TFDP2: variants seen among roughly 807,000 people sequenced by gnomAD.
TFDP2 encodes the protein transcription factor Dp-2 (E2F dimerization partner 2).
TFDP2 carries 17 observed loss-of-function variants against 59.3 expected under a neutral mutation model. The observed-to-expected ratio is 0.29, with a 90% CI of 0.20 to 0.43. The LOEUF (loss-of-function observed/expected upper bound fraction) is 0.43. Ranked by LOEUF, TFDP2 falls within the 20% of genes least tolerant of loss-of-function variation. TFDP2 has a pLI of 1.00. For missense variants in TFDP2, 391 were observed against 528.8 expected (o/e 0.74, Z 2.56); for synonymous variants, 180 against 194.7 (o/e 0.92, Z 0.63).
intron 3 of TFDP2, among the ~76,000 whole-genome samples, chr3:142,043,126 A>T (rs1414177871): frequency 6.6e-6 from 1 of 151,074 alleles, no homozygotes; most frequent in African/African-American, 2.4e-5. Flanking sequence ...GGCTCACTGC[A>T]AGCTCCGCCT....
chr3:142,148,667 C>T (rs115041480), intron 1 of TFDP2, among the ~76,000 whole-genome samples: 4,649 of 152,308 alleles, frequency 0.031, 252 homozygotes, highest in African/African-American at 0.1. Context: ...TGAAGACAGA[C>T]CTTGGCTTTC....
chr3:142,021,501 T>C (rs1046697687), intron 3 of TFDP2, among the ~76,000 whole-genome samples: 12 of 152,190 alleles, frequency 7.9e-5, no homozygotes, highest in African/African-American at 2.9e-4. Context: ...TGGTCATATT[T>C]CTAAATGAAT....
intron 6 of TFDP2, 96 bp downstream of exon 6, chr3:141,993,442 G>T: frequency 1.4e-6 from 1 of 710,980 alleles, no homozygotes; most frequent in South Asian, 2.2e-5. Flanking sequence ...AAAGTTACAT[G>T]AAGAAAAACA....
intron 4 of TFDP2, among the ~76,000 whole-genome samples, chr3:141,996,285 G>C (rs938100318): frequency 1.3e-5 from 2 of 152,186 alleles, no homozygotes; most frequent in Non-Finnish European, 2.9e-5. Flanking sequence ...AAAAGGGGAA[G>C]AGGCATGCTC....
chr3:142,100,562 G>A (rs1183341798), intron 2 of TFDP2, among the ~76,000 whole-genome samples: 6 of 151,772 alleles, frequency 4.0e-5, no homozygotes, highest in African/African-American at 7.3e-5. Context: ...TAGTAGAGAC[G>A]GGGTTTCACC....
chr3:141,995,575 A>C (rs1559995545), intron 4 of TFDP2, among the ~76,000 whole-genome samples: 1 of 152,162 alleles, frequency 6.6e-6, no homozygotes, highest in Admixed American at 6.5e-5. Context: ...ATATAGATGC[A>C]ATTTTATCCT....
At chr3:142,098,278 A>AG (rs569249199) in intron 2 of TFDP2, among the ~76,000 whole-genome samples, 36 of 151,644 alleles carry the variant, frequency 2.4e-4, no homozygotes, top group Admixed American at 7.9e-4. Context: ...GCAAAAAAAA[A>AG]AAACCCTCAA....
intron 3 of TFDP2, chr3:142,044,109 A>C: frequency 1.6e-6 from 1 of 621,966 alleles, no homozygotes; most frequent in Non-Finnish European, 3.0e-6. Flanking sequence ...TGGCAATTTC[A>C]CTGGTCTCAT....
intron 1 of TFDP2, among the ~76,000 whole-genome samples, chr3:142,132,941 A>C (rs919560040): frequency 2.7e-5 from 4 of 149,886 alleles, no homozygotes; most frequent in Non-Finnish European, 5.9e-5. Flanking sequence ...TTAATTTATA[A>C]ATTCAATATA....
intron 3 of TFDP2, among the ~76,000 whole-genome samples, chr3:142,052,181 G>A (rs1012341347): frequency 1.3e-5 from 2 of 152,098 alleles, no homozygotes; most frequent in Admixed American, 1.3e-4. Flanking sequence ...AAAACTTCTA[G>A]GAAAGTTCTA....
intron 1 of TFDP2, among the ~76,000 whole-genome samples, chr3:142,125,802 T>C (rs968812939): frequency 5.9e-5 from 9 of 152,246 alleles, no homozygotes; most frequent in African/African-American, 2.2e-4. Context: ...TCTTTTTTAT[T>C]AATTCTTACA....
At chr3:142,014,672 C>G (rs1170631782) in intron 3 of TFDP2, among the ~76,000 whole-genome samples, 1 of 152,080 alleles carries the variant, frequency 6.6e-6, no homozygotes, top group Non-Finnish European at 1.5e-5. Context: ...AAAAAAAATA[C>G]AGGTAGTTCA....
chr3:142,070,383 T>A (rs1449005537), intron 3 of TFDP2, among the ~76,000 whole-genome samples: 5 of 152,108 alleles, frequency 3.3e-5, no homozygotes, highest in Non-Finnish European at 7.4e-5. Flanking sequence ...GCTCAAGCAA[T>A]CCTCCTGCCT....
chr3:141,969,498 A>ACTTGTAATCCCG (rs1939380100), intron 9 of TFDP2, among the ~76,000 whole-genome samples: 23 of 151,654 alleles, frequency 1.5e-4, no homozygotes, highest in Admixed American at 1.5e-3. Flanking sequence ...TTGTAATCCC[A>ACTTGTAATCCCG]GCTACTTGGG....
At chr3:142,043,760 T>C in intron 3 of TFDP2, 1 of 1,578,742 alleles carries the variant, frequency 6.3e-7, no homozygotes, top group Non-Finnish European at 8.7e-7. Flanking sequence ...AGGAGCTTCT[T>C]GCGGGCCTTG....
intron 2 of TFDP2, among the ~76,000 whole-genome samples, chr3:142,099,875 C>T (rs563011980): frequency 1.3e-4 from 20 of 152,140 alleles, no homozygotes; most frequent in African/African-American, 4.3e-4. Flanking sequence ...ATATCCTATA[C>T]CTCCCTAAGA....
Position 142,093,078 on chromosome 3 carries a change from T to C in TFDP2, c.65A>G (p.Asn22Ser). 1 of 1,538,540 alleles carries C rather than the reference T, an allele frequency of 6.5e-7. No individual in the cohort carries two copies. The change falls in exon 3 of 13, where the codon AAT (asparagine) becomes AGT (serine). Residue 22 changes from asparagine (N) to serine (S), a missense_variant. This residue lies in a region of TFDP2 where 162 missense variants were observed against 206.8 expected (regional missense o/e 0.78). Coordinates refer to ENST00000489671, the MANE Select transcript of TFDP2 (RefSeq NM_001178139.2). ...ATCCTTACCTTTTGTTGGACTGAGA[T>C]TCTGATCTATAAATCCTCTTACTTC... ...NAEVRGFIDQNLSPTKGNISF... is the reference protein window; with the variant it reads ...NAEVRGFIDQSLSPTKGNISF...
At chr3:142,049,716 T>C (rs530410750) in intron 3 of TFDP2, among the ~76,000 whole-genome samples, 57 of 152,200 alleles carry the variant, frequency 3.7e-4, no homozygotes, top group Non-Finnish European at 5.0e-4. Flanking sequence ...ATAGAATCTA[T>C]ATAAATGGAC....
At chr3:141,995,356 A>G (rs1943172003) in intron 4 of TFDP2, 2 of 385,212 alleles carry the variant, frequency 5.2e-6, no homozygotes, top group Non-Finnish European at 9.1e-6. Context: ...TGAGGTCACA[A>G]TGCAGGTTTC....
Sources: allele counts gnomAD v4.1 joint callset (sites outside exome capture counted in the v4.1 genomes callset), GRCh38; gene constraint gnomAD v4.1.1; regional missense constraint gnomAD v4.1.1; transcripts MANE v1.5; gene names NCBI Gene and HGNC (gene_info 2026-07-23, HGNC 2026-07-21).